The following LRP1B variants were observed in gnomAD, a reference collection of about 807,000 sequenced individuals.
The protein encoded by LRP1B is LDL receptor related protein 1B, also known as low-density lipoprotein receptor-related protein 1B.
A neutral mutation model predicts 556.6 loss-of-function variants in LRP1B; 217 were observed. The observed-to-expected ratio is 0.39, with a 90% CI of 0.35 to 0.44. LRP1B has a LOEUF of 0.44. LRP1B is among the 20% of genes least tolerant of loss of function. The pLI, the probability that LRP1B is intolerant of heterozygous loss-of-function variation, is 1.00. For missense variants in LRP1B, 5,053 were observed against 5,620.8 expected (o/e 0.90, Z 3.23); for synonymous variants, 2,047 against 1,865.8 (o/e 1.10, Z -2.50).
At chr2:141,340,985 G>T (rs911784111) in intron 3 of LRP1B, among the ~76,000 whole-genome samples, 3 of 152,060 alleles carry the variant, frequency 2.0e-5, no homozygotes, top group African/African-American at 7.2e-5. Flanking sequence ...ACAAAACCAA[G>T]CCCAGGTGCT....
chr2:141,102,008 G>A (rs897943259), intron 7 of LRP1B, among the ~76,000 whole-genome samples: 1 of 152,078 alleles, frequency 6.6e-6, no homozygotes, highest in Non-Finnish European at 1.5e-5. Flanking sequence ...GAATCACAAA[G>A]CTATGAACTT....
intron 86 of LRP1B, among the ~76,000 whole-genome samples, chr2:140,249,045 G>GA (rs5834726): frequency 6.7e-6 from 1 of 150,266 alleles, no homozygotes; most frequent in Non-Finnish European, 1.5e-5. Flanking sequence ...TCATTTAAAA[G>GA]AAAAAAAAAA....
At position 140,769,333 on chromosome 2, in the gene LRP1B, A is replaced by G. The variant is rs1231321937; in HGVS notation, c.5638T>C (p.Phe1880Leu). The G allele has an allele frequency of 6.2e-7, 1 of 1,609,352 alleles. No homozygotes were observed. ...NRMSCQGIES[F>L]LMYSVHEGIR... ...CCTTCATGAACAGAGTACATAAGAAATGATTCTATACCTAAATGCAGGGCC... is the reference window on the plus strand; with the variant it reads ...CCTTCATGAACAGAGTACATAAGAAGTGATTCTATACCTAAATGCAGGGCC... Residue 1880 changes from phenylalanine to leucine, a missense_variant, in exon 35 of 91, where the codon TTT (phenylalanine) becomes CTT (leucine). Physicochemically the swap from Phe to Leu is conservative, Grantham distance 22. This residue lies in a region of LRP1B where 3,619 missense variants were observed against 3,931.9 expected (regional missense o/e 0.92). Coordinates refer to ENST00000389484, the MANE Select transcript of LRP1B (RefSeq NM_018557.3).
rs1485774648 is a variant in LRP1B at position 141,192,832 on chromosome 2, T to C, written c.851-4249A>G. Among the ~76,000 whole-genome samples the C allele has an allele frequency of 3.3e-5, 5 of 152,042 alleles. 1 individual carries two copies. The highest frequency in any genetic ancestry group is 6.3e-3 in the Middle Eastern group (2 of 316). Reference sequence around the variant, plus strand: ...TAAAAATATTTTGAAACTTGTAAAGTAGTATATAAATACAAGCAACTATGT... The same window carrying C: ...TAAAAATATTTTGAAACTTGTAAAGCAGTATATAAATACAAGCAACTATGT... On this transcript the variant is annotated intron_variant, in intron 6 of 90. Transcript: ENST00000389484.
chr2:141,982,847 C>T (rs1702079819), intron 1 of LRP1B, among the ~76,000 whole-genome samples: 2 of 152,152 alleles, frequency 1.3e-5, no homozygotes, highest in South Asian at 4.1e-4. Flanking sequence ...ATATTTAGAA[C>T]AATGTAGTAT....
intron 2 of LRP1B, among the ~76,000 whole-genome samples, chr2:141,644,420 G>A (rs1472815433): frequency 1.3e-5 from 2 of 152,026 alleles, no homozygotes; most frequent in South Asian, 2.1e-4. Context: ...GCCCAGCCAC[G>A]TGAAACTGTA....
intron 1 of LRP1B, among the ~76,000 whole-genome samples, chr2:141,922,274 T>G (rs1436969207): frequency 6.6e-6 from 1 of 152,188 alleles, no homozygotes; most frequent in Non-Finnish European, 1.5e-5. Context: ...GAACTCGCCA[T>G]GTAAGCCCTG....
intron 2 of LRP1B, among the ~76,000 whole-genome samples, chr2:141,510,909 C>CACA (rs70994436): frequency 0.31 from 42,715 of 138,564 alleles, 6,728 homozygotes; most frequent in East Asian, 0.51. Context: ...CACACACACA[C>CACA]CCCACACAAA....
At chr2:140,459,131 T>C (rs897897516) in intron 60 of LRP1B, among the ~76,000 whole-genome samples, 4 of 152,114 alleles carry the variant, frequency 2.6e-5, no homozygotes, top group Non-Finnish European at 4.4e-5. Flanking sequence ...ATAGATACCA[T>C]TACTAAAATA....
At chr2:142,005,133 A>G (rs1389166326) in intron 1 of LRP1B, among the ~76,000 whole-genome samples, 1 of 149,006 alleles carries the variant, frequency 6.7e-6, no homozygotes, top group Non-Finnish European at 1.5e-5. Context: ...ACTATATAGT[A>G]TATATGTACT....
At chr2:141,252,504 T>A (rs1173554746) in intron 4 of LRP1B, among the ~76,000 whole-genome samples, 1 of 152,188 alleles carries the variant, frequency 6.6e-6, no homozygotes, top group Non-Finnish European at 1.5e-5. Context: ...CGTTTGGAGC[T>A]AAGTCTACAG....
At chr2:140,365,620 A>G (rs1459073022) in intron 71 of LRP1B, among the ~76,000 whole-genome samples, 1 of 151,630 alleles carries the variant, frequency 6.6e-6, no homozygotes, top group Non-Finnish European at 1.5e-5. Context: ...ATGTTTTTAT[A>G]TGTTATAAAA....
At chr2:141,837,126 C>T (rs984981388) in intron 1 of LRP1B, among the ~76,000 whole-genome samples, 1 of 151,836 alleles carries the variant, frequency 6.6e-6, no homozygotes, top group Non-Finnish European at 1.5e-5. Flanking sequence ...GGAAAGGCAA[C>T]TGACATTAGA....
At chr2:141,326,941 C>T (rs541094499) in intron 3 of LRP1B, among the ~76,000 whole-genome samples, 59 of 152,174 alleles carry the variant, frequency 3.9e-4, no homozygotes, top group African/African-American at 1.4e-3. Flanking sequence ...GGGGAAATAT[C>T]ACGGCAGCAG....
chr2:140,700,440 A>C lies in LRP1B; in HGVS notation c.6609T>G (p.Ser2203=). 2 of 1,613,408 alleles carry C rather than the reference A, an allele frequency of 1.2e-6. 1 individual carries two copies. Among genetic ancestry groups the C allele is most frequent in the Non-Finnish European group, 1.7e-6 (2 of 1,179,534 alleles). ...TTGGGGAATTTAAATTGGTTTCATC[A>C]GAAAGATGTATACTTTTTAATATTG... is the stretch of plus-strand genomic sequence containing the variant. ...GRTILKSIHL[S]DETNLNSPIR... The change falls in exon 41 of 91, where the codon TCT becomes TCG. Residue 2203 remains serine (S), a synonymous_variant. Coordinates refer to ENST00000389484, the MANE Select transcript of LRP1B (RefSeq NM_018557.3).
chr2:140,913,837 A>C (rs1192153746), intron 21 of LRP1B, among the ~76,000 whole-genome samples: 1 of 152,108 alleles, frequency 6.6e-6, no homozygotes, highest in Non-Finnish European at 1.5e-5. Context: ...TATTAAGTTT[A>C]ATGTGTGATT....
intron 27 of LRP1B, among the ~76,000 whole-genome samples, chr2:140,854,465 A>G (rs1223680511): frequency 6.6e-6 from 1 of 152,132 alleles, no homozygotes; most frequent in Non-Finnish European, 1.5e-5. Flanking sequence ...CTTACTTTTC[A>G]TTTTCATCTC....
Position 140,858,034 on chromosome 2 carries a change from C to T in LRP1B, c.4580-6251G>A, listed in dbSNP as rs563340890. Among the ~76,000 whole-genome samples, 3 of 152,176 alleles carry T rather than the reference C, an allele frequency of 2.0e-5. No homozygotes were observed. The South Asian group carries it at 6.2e-4, about 32-fold the overall frequency. Reference sequence around the variant, plus strand: ...ACCATCTAGGACAGTGGTTCTCAATCCTTGGAGATGGTGGTGATTTTGCCT... The same window carrying T: ...ACCATCTAGGACAGTGGTTCTCAATTCTTGGAGATGGTGGTGATTTTGCCT... On this transcript the variant is annotated intron_variant, in intron 27 of 90. Coordinates refer to ENST00000389484, the MANE Select transcript of LRP1B (RefSeq NM_018557.3).
At chr2:141,011,813 T>C (rs752973322) in intron 14 of LRP1B, among the ~76,000 whole-genome samples, 20 of 151,622 alleles carry the variant, frequency 1.3e-4, no homozygotes, top group Non-Finnish European at 2.6e-4. Context: ...CAATGGCACC[T>C]TTCAGAACAC....
Sources: gnomAD v4.1 joint callset for allele counts (sites outside exome capture counted in the v4.1 genomes callset) on GRCh38, gnomAD v4.1.1 for gene constraint, gnomAD v4.1.1 regional missense constraint, MANE v1.5 for transcripts, NCBI Gene and HGNC (gene_info 2026-07-23, HGNC 2026-07-21) for gene names.